Variants in PRKCZ observed in about 807,000 individuals in gnomAD.
The protein encoded by PRKCZ is protein kinase C zeta.
In PRKCZ, 33 loss-of-function variants were observed where a neutral mutation model predicts 79.5. The observed-to-expected ratio is 0.41, with a 90% CI of 0.31 to 0.55. The LOEUF (loss-of-function observed/expected upper bound fraction) is 0.55. Among genes scored for constraint, PRKCZ ranks in the 20% least tolerant of loss-of-function variants. The pLI, the probability that PRKCZ is intolerant of heterozygous loss-of-function variation, is 0.19. For synonymous variants in PRKCZ, 342 were observed against 320.9 expected, an observed-to-expected ratio of 1.07 and a Z score of -0.70; for missense variants, 578 against 813.5, an observed-to-expected ratio of 0.71 and a Z score of 3.52.
intron 4 of PRKCZ, among the ~76,000 whole-genome samples, chr1:2,086,555 A>G (rs1664556918): frequency 6.6e-6 from 1 of 152,162 alleles, no homozygotes; most frequent in Non-Finnish European, 1.5e-5. Context: ...AGGCTCTGGC[A>G]TCCCCTCGGC....
intron 1 of PRKCZ, among the ~76,000 whole-genome samples, chr1:2,051,704 G>A (rs375936422): frequency 7.2e-5 from 11 of 152,292 alleles, no homozygotes; most frequent in African/African-American, 2.6e-4. Context: ...CCCGGGCCAC[G>A]TCCTCTCAGG....
chr1:2,146,630 A>G (rs377748363), intron 7 of PRKCZ, among the ~76,000 whole-genome samples: 1 of 152,202 alleles, frequency 6.6e-6, no homozygotes, highest in African/African-American at 2.4e-5. Context: ...CTCAAACACC[A>G]GTTGGACTTA....
At chr1:2,131,985 G>A (rs1675061612) in intron 4 of PRKCZ, among the ~76,000 whole-genome samples, 1 of 152,144 alleles carries the variant, frequency 6.6e-6, no homozygotes, top group African/African-American at 2.4e-5. Flanking sequence ...CTAATTTTTT[G>A]TATTTTTAGT....
intron 4 of PRKCZ, among the ~76,000 whole-genome samples, chr1:2,121,006 G>A (rs902728905): frequency 1.3e-5 from 2 of 151,980 alleles, no homozygotes; most frequent in Non-Finnish European, 2.9e-5. Flanking sequence ...TAGAGACGGG[G>A]TTTTGCCATG....
At chr1:2,076,508 C>T (rs555567101) in intron 4 of PRKCZ, among the ~76,000 whole-genome samples, 18 of 152,182 alleles carry the variant, frequency 1.2e-4, no homozygotes, top group East Asian at 1.9e-4. Context: ...TTTGGGAGGC[C>T]GAGGTGGGGG....
Position 2,178,403 on chromosome 1 carries a change from T to C in PRKCZ, c.1575+3090T>C, listed in dbSNP as rs1400304911. On this transcript the variant is annotated intron_variant, in intron 16 of 17. Coordinates refer to ENST00000378567, the MANE Select transcript of PRKCZ (RefSeq NM_002744.6). This position sits in a 1 kb window ranked among gnomAD's most constrained non-coding sequence, Gnocchi z 4.3. Reference sequence around the variant, plus strand: ...GCTGAACCCCACCCACTGCGTCCACTGCGTGGAGACTGCACCTCTGCATCC... The same window carrying C: ...GCTGAACCCCACCCACTGCGTCCACCGCGTGGAGACTGCACCTCTGCATCC... Among the ~76,000 whole-genome samples, 1 of 152,212 alleles carries C rather than the reference T, an allele frequency of 6.6e-6. No individual in the cohort carries two copies.
At chr1:2,122,744 TGGC>T (rs1271174585) in intron 4 of PRKCZ, among the ~76,000 whole-genome samples, 2 of 9,024 alleles carry the variant, frequency 2.2e-4, no homozygotes, top group Non-Finnish European at 3.4e-4. Context: ...GTTAGGGTCG[TGGC>T]GGTGGTTAGG....
chr1:2,067,849 TC>T (rs896658423), intron 4 of PRKCZ, among the ~76,000 whole-genome samples: 9 of 152,092 alleles, frequency 5.9e-5, no homozygotes, highest in African/African-American at 1.9e-4. Flanking sequence ...TTAATATTTT[TC>T]CTTCTGGCTT....
At chr1:2,101,347 C>T (rs970219116) in intron 4 of PRKCZ, among the ~76,000 whole-genome samples, 1 of 152,164 alleles carries the variant, frequency 6.6e-6, no homozygotes, top group Non-Finnish European at 1.5e-5. Context: ...CGGGCATCTC[C>T]CCTCCTCGCC....
intron 4 of PRKCZ, among the ~76,000 whole-genome samples, chr1:2,078,128 G>A (rs189811613): frequency 3.9e-5 from 6 of 152,322 alleles, no homozygotes; most frequent in East Asian, 1.9e-4. Context: ...ACAACATGCC[G>A]TGGGGCTTCC....
chr1:2,096,335 C>T (rs1182903765), intron 4 of PRKCZ, among the ~76,000 whole-genome samples: 1 of 152,016 alleles, frequency 6.6e-6, no homozygotes, highest in African/African-American at 2.4e-5. Flanking sequence ...GGAGTAGCTG[C>T]CACCGAGAGA....
chr1:2,171,311 C>T (rs1302398669), intron 11 of PRKCZ, among the ~76,000 whole-genome samples: 7 of 143,152 alleles, frequency 4.9e-5, no homozygotes, highest in Admixed American at 2.1e-4. Context: ...CATTGCACTC[C>T]AGCCTGGGTG....
chr1:2,130,433 A>T (rs1674737483), intron 4 of PRKCZ, among the ~76,000 whole-genome samples: 1 of 152,246 alleles, frequency 6.6e-6, no homozygotes. Context: ...GGGGGCTGGG[A>T]GGGCGAGGAA....
At position 2,144,213 on chromosome 1, in the gene PRKCZ, G is replaced by A. The variant is rs1281635383; in HGVS notation, c.424G>A (p.Ala142Thr). 1 of 1,551,932 alleles carries A rather than the reference G, an allele frequency of 6.4e-7. No homozygotes were observed. The highest frequency in any genetic ancestry group is 8.7e-7 in the Non-Finnish European group (1 of 1,147,074). Reference protein sequence around the residue: ...LFQAKRFNRRAYCGQCSERIW... With the variant: ...LFQAKRFNRRTYCGQCSERIW... ...GACGCTCTGTTCCCACCTGCAGAGA[G>A]CGTACTGCGGTCAGTGCAGCGAGAG... Residue 142 changes from alanine to threonine, a missense_variant, in exon 6 of 18, where the codon GCG (alanine) becomes ACG (threonine). By Grantham distance (58) the Ala-to-Thr change is moderately conservative. Coordinates refer to ENST00000378567, the MANE Select transcript of PRKCZ (RefSeq NM_002744.6).
chr1:2,122,569 G>A (rs1428850990), intron 4 of PRKCZ, among the ~76,000 whole-genome samples: 3 of 6,092 alleles, frequency 4.9e-4, no homozygotes, highest in African/African-American at 3.9e-3. Flanking sequence ...GGTTAGGGTC[G>A]TGGTGGTTAG....
Position 2,173,855 on chromosome 1 carries a change from C to G in PRKCZ, c.1286-42C>G. The G allele has an allele frequency of 6.5e-7, 1 of 1,536,952 alleles. No individual in the cohort carries two copies. Among genetic ancestry groups the G allele is most frequent in the East Asian group, 2.5e-5 (1 of 40,536 alleles). On this transcript the variant is annotated intron_variant, in intron 13 of 17. Transcript: ENST00000378567. This position sits in a 1 kb window ranked among gnomAD's most constrained non-coding sequence, Gnocchi z 5.7. Reference sequence around the variant, plus strand: ...CAGCCAGGTTCGTCCTGCTGCCGGCCCATGTGGCCCCACTCGGTGATGGCT... The same window carrying G: ...CAGCCAGGTTCGTCCTGCTGCCGGCGCATGTGGCCCCACTCGGTGATGGCT...
Position 2,111,313 on chromosome 1 carries a change from C to T in PRKCZ, c.335-23949C>T, listed in dbSNP as rs1449794451. 4.6e-5 allele frequency among the ~76,000 whole-genome samples: 7 copies of T among 151,984 alleles called. No homozygotes were observed. In the South Asian group the frequency reaches 1.5e-3, roughly 32 times the overall value. On this transcript the variant is annotated intron_variant, in intron 4 of 17. Coordinates refer to ENST00000378567, the MANE Select transcript of PRKCZ (RefSeq NM_002744.6). ...CCACGGCAACTGTGAAGGTCTGGGGCACAGCCAGGGAGGGTCCCAGGTTGA... is the reference window on the plus strand; with the variant it reads ...CCACGGCAACTGTGAAGGTCTGGGGTACAGCCAGGGAGGGTCCCAGGTTGA...
intron 4 of PRKCZ, among the ~76,000 whole-genome samples, chr1:2,070,129 T>C (rs13303084): frequency 0.12 from 18,335 of 152,242 alleles, 1,225 homozygotes; most frequent in Middle Eastern, 0.16. Flanking sequence ...GGTGGTGTCC[T>C]CGGGGTCATC....
Position 2,174,202 on chromosome 1 carries a change from C to T in PRKCZ, c.1405+186C>T, listed in dbSNP as rs536613400. Among the ~76,000 whole-genome samples, 31 of 152,308 alleles carry T rather than the reference C, an allele frequency of 2.0e-4. 1 individual carries two copies. In the South Asian group the frequency reaches 2.5e-3, roughly 12 times the overall value. On this transcript the variant is annotated intron_variant, in intron 14 of 17. Coordinates refer to ENST00000378567, the MANE Select transcript of PRKCZ (RefSeq NM_002744.6). The surrounding 1 kb of genome is among the most constrained non-coding windows in gnomAD (Gnocchi z 6.2). Reference sequence around the variant, plus strand: ...CTCCCCGGGCCGTGGGGTGGGGTTACCACACCTGTGGGTCAGCAGGAAAGA... The same window carrying T: ...CTCCCCGGGCCGTGGGGTGGGGTTATCACACCTGTGGGTCAGCAGGAAAGA...
Sources: allele counts gnomAD v4.1 joint callset (sites outside exome capture counted in the v4.1 genomes callset), GRCh38; gene constraint gnomAD v4.1.1; non-coding constraint Gnocchi (gnomAD v3.1); transcripts MANE v1.5; gene names NCBI Gene and HGNC (gene_info 2026-07-23, HGNC 2026-07-21).